ART3: variants seen among roughly 807,000 people sequenced by gnomAD.
ART3 encodes ADP-ribosyltransferase 3 (inactive), also known as ecto-ADP-ribosyltransferase 3.
ART3 carries 49 observed loss-of-function variants against 48.5 expected under a neutral mutation model. That is an observed-to-expected ratio of 1.01 (90% confidence interval 0.80 to 1.28). ART3 has a LOEUF of 1.28. Ranked by LOEUF, ART3 falls within the 50% of genes most tolerant of loss-of-function variation. The pLI is 0.00. For synonymous variants in ART3, 145 were observed against 157.2 expected (o/e 0.92, Z 0.58); for missense variants, 438 against 454.3 (o/e 0.96, Z 0.33).
intron 1 of ART3, among the ~76,000 whole-genome samples, chr4:76,024,775 G>C (rs1216457031): frequency 6.6e-6 from 1 of 152,202 alleles, no homozygotes; most frequent in African/African-American, 2.4e-5. Context: ...TTCATAGTCA[G>C]CTGGGCTGCA....
intron 1 of ART3, chr4:76,035,881 A>G (rs1450702132): frequency 6.6e-7 from 1 of 1,524,892 alleles, no homozygotes; most frequent in African/African-American, 1.4e-5. Flanking sequence ...CATTTGAAAC[A>G]TTAGAAAAGG....
chr4:76,033,479 A>G (rs1439698971), intron 1 of ART3, among the ~76,000 whole-genome samples: 1 of 152,152 alleles, frequency 6.6e-6, no homozygotes, highest in Non-Finnish European at 1.5e-5. Flanking sequence ...ACCAACACTC[A>G]CATAAGGGAT....
At chr4:76,035,919 C>G in intron 1 of ART3, 2 of 1,611,492 alleles carry the variant, frequency 1.2e-6, no homozygotes, top group Non-Finnish European at 1.7e-6. Context: ...ATAAAAATTA[C>G]TGCATACCTT....
chr4:76,027,806 G>A (rs1043118756), intron 1 of ART3, among the ~76,000 whole-genome samples: 5 of 142,332 alleles, frequency 3.5e-5, no homozygotes, highest in African/African-American at 1.3e-4. Flanking sequence ...TGATAATGCC[G>A]TGTTAGGATT....
At chr4:76,041,718 G>A (rs1371840856) in intron 1 of ART3, among the ~76,000 whole-genome samples, 1 of 152,092 alleles carries the variant, frequency 6.6e-6, no homozygotes, top group African/African-American at 2.4e-5. Flanking sequence ...CATTTCAAAT[G>A]CTTGATAATA....
At position 76,100,727 on chromosome 4, in the gene ART3, G is replaced by A. The variant is rs567959813; in HGVS notation, c.878-68G>A. On this transcript the variant is annotated intron_variant, in intron 6 of 11. Transcript: ENST00000355810. ...CATATTTCTTGCAAATAATTTTGCT[G>A]TAGCTGTAGTAACTGCCAATTCTTT... The A allele has an allele frequency of 5.4e-5, 83 of 1,534,488 alleles. No homozygotes were observed. In the African/African-American group the frequency reaches 9.6e-4, roughly 18 times the overall value.
chr4:76,035,324 C>G (rs1394794943), intron 1 of ART3: 1 of 1,613,990 alleles, frequency 6.2e-7, no homozygotes, highest in Non-Finnish European at 8.5e-7. Context: ...ACAGCGTCCT[C>G]TTTTGAACAT....
chr4:76,022,787 G>C (rs1273752362), intron 1 of ART3: 4 of 1,611,922 alleles, frequency 2.5e-6, no homozygotes, highest in Non-Finnish European at 3.4e-6. Context: ...GCTGATGCAG[G>C]TACAGCGTAC....
intron 11 of ART3, among the ~76,000 whole-genome samples, chr4:76,108,568 AC>A (rs1284573231): frequency 6.6e-6 from 1 of 151,372 alleles, no homozygotes; most frequent in African/African-American, 2.4e-5. Flanking sequence ...AAAAAAAAAA[AC>A]AAAAAACTCT....
chr4:76,038,740 T>C (rs1222673052), intron 1 of ART3, among the ~76,000 whole-genome samples: 1 of 151,950 alleles, frequency 6.6e-6, no homozygotes, highest in Non-Finnish European at 1.5e-5. Flanking sequence ...TATTTATCTT[T>C]GAGATGGATT....
At chr4:76,035,009 A>G (rs1227596144) in intron 1 of ART3, 1 of 1,551,960 alleles carries the variant, frequency 6.4e-7, no homozygotes, top group Non-Finnish European at 8.9e-7. Flanking sequence ...TGTCTTGGAT[A>G]AAACAGATTA....
intron 3 of ART3, among the ~76,000 whole-genome samples, chr4:76,087,291 C>T (rs1463630601): frequency 6.6e-6 from 1 of 152,102 alleles, no homozygotes; most frequent in Non-Finnish European, 1.5e-5. Flanking sequence ...GCACGTGTAC[C>T]ATGTGTTTAG....
chr4:76,071,282 G>T (rs1315380372), upstream of ART3, among the ~76,000 whole-genome samples: 1 of 149,110 alleles, frequency 6.7e-6, no homozygotes, highest in Non-Finnish European at 1.5e-5. Context: ...AGGCTGCAGT[G>T]AGCCGAGATA....
intron 1 of ART3, among the ~76,000 whole-genome samples, chr4:76,030,005 T>C (rs1485938146): frequency 6.6e-6 from 1 of 152,210 alleles, no homozygotes; most frequent in Non-Finnish European, 1.5e-5. Flanking sequence ...TCTTCTCTGC[T>C]TTAAATTCAG....
intron 1 of ART3, chr4:76,011,323 AG>A (rs1731767040): frequency 6.6e-6 from 1 of 152,520 alleles, no homozygotes; most frequent in African/African-American, 2.4e-5. Context: ...GGCAAAAGGT[AG>A]GGGTTGTGCC....
chr4:76,053,682 C>T (rs866462101), intron 1 of ART3, among the ~76,000 whole-genome samples: 10 of 152,116 alleles, frequency 6.6e-5, no homozygotes, highest in South Asian at 6.2e-4. Flanking sequence ...AATTCAAAGT[C>T]GCATATGTTA....
intron 1 of ART3, among the ~76,000 whole-genome samples, chr4:76,019,069 A>G (rs1414696840): frequency 1.3e-5 from 2 of 151,480 alleles, no homozygotes; most frequent in African/African-American, 4.9e-5. Flanking sequence ...AAAAGAACAT[A>G]TGCCAGAAAG....
intron 3 of ART3, among the ~76,000 whole-genome samples, chr4:76,092,195 G>C (rs906277257): frequency 6.6e-6 from 1 of 152,114 alleles, no homozygotes; most frequent in African/African-American, 2.4e-5. Flanking sequence ...AGATCAATAT[G>C]AGAAGAGTTT....
intron 3 of ART3, among the ~76,000 whole-genome samples, chr4:76,093,622 T>G (rs974615463): frequency 6.6e-6 from 1 of 152,194 alleles, no homozygotes; most frequent in Non-Finnish European, 1.5e-5. Context: ...CTTCAACCAT[T>G]GTTCTCTTTT....
Sources: gnomAD v4.1 joint callset for allele counts (sites outside exome capture counted in the v4.1 genomes callset) on GRCh38, gnomAD v4.1.1 for gene constraint, MANE v1.5 for transcripts, NCBI Gene and HGNC (gene_info 2026-07-23, HGNC 2026-07-21) for gene names.